Variants in TRAF3IP1 observed in about 807,000 individuals in gnomAD.
TRAF3IP1 encodes the protein intraflagellar transport 54, also known as TRAF3-interacting protein 1.
In TRAF3IP1, 53 loss-of-function variants were observed where a neutral mutation model predicts 89.9. The observed-to-expected ratio is 0.59, with a 90% CI of 0.47 to 0.74. The LOEUF is 0.74. Ranked by LOEUF, TRAF3IP1 falls within the 30% of genes least tolerant of loss-of-function variation. The probability of loss-of-function intolerance (pLI) is 0.00; values close to 1 mark genes in which losing one functional copy is unlikely to be tolerated. For synonymous variants in TRAF3IP1, 311 were observed against 322.1 expected, an observed-to-expected ratio of 0.97 and a Z score of 0.37; for missense variants, 806 against 866.1, an observed-to-expected ratio of 0.93 and a Z score of 0.87.
At position 238,320,618 on chromosome 2, in the gene TRAF3IP1, G is replaced by A; in HGVS notation, c.-45G>A. ...AGGGACCCGGGCTTAGGCTCGGCCA[G>A]GCCGGCTGAGGGGCGCGGGCGGCCA... On this transcript the variant is annotated 5_prime_UTR_variant, in exon 1 of 17. Coordinates refer to ENST00000373327, the MANE Select transcript of TRAF3IP1 (RefSeq NM_015650.4). 1 of 1,241,148 alleles carries A rather than the reference G, an allele frequency of 8.1e-7. No homozygotes were observed. Among genetic ancestry groups the A allele is most frequent in the Non-Finnish European group, 1.0e-6 (1 of 975,664 alleles). The allele number at this position is 1,241,148 out of a possible 1,614,324, so 76.9% of individuals were successfully genotyped here.
At chr2:238,331,179 G>A (rs1306215510) in intron 5 of TRAF3IP1, among the ~76,000 whole-genome samples, 8 of 151,752 alleles carry the variant, frequency 5.3e-5, no homozygotes, top group South Asian at 4.2e-4. Flanking sequence ...TTAGAGGCTC[G>A]GCCGGGCATG....
At chr2:238,363,970 T>C (rs1470363106) in intron 15 of TRAF3IP1, among the ~76,000 whole-genome samples, 4 of 152,026 alleles carry the variant, frequency 2.6e-5, no homozygotes, top group Non-Finnish European at 4.4e-5. Flanking sequence ...AAAAAAAATA[T>C]ATAAATAAAA....
intron 15 of TRAF3IP1, among the ~76,000 whole-genome samples, chr2:238,378,796 C>T (rs999610748): frequency 7.0e-6 from 1 of 142,978 alleles, no homozygotes; most frequent in Non-Finnish European, 1.5e-5. Flanking sequence ...GAAGCCGGGA[C>T]CCCCCCCCAG....
Position 238,329,124 on chromosome 2 carries a change from G to A in TRAF3IP1, c.697G>A (p.Asp233Asn), listed in dbSNP as rs745667152. Residue 233 changes from aspartate to asparagine, a missense_variant, in exon 5 of 17, where the codon GAC becomes AAC. Around this residue, in one of 3 missense-constraint regions of TRAF3IP1, gnomAD observed 732 missense variants for 780.5 expected, o/e 0.94. Coordinates refer to ENST00000373327, the MANE Select transcript of TRAF3IP1 (RefSeq NM_015650.4). ...RARPDNERQK[D>N]RGNRERDRDS... is the part of the protein sequence containing the mutation. Reference sequence around the variant, plus strand: ...CAGGCCAGACAACGAGCGACAGAAAGACAGAGGCAACAGGGAGCGGGACAG... The same window carrying A: ...CAGGCCAGACAACGAGCGACAGAAAAACAGAGGCAACAGGGAGCGGGACAG... 1.2e-4 allele frequency: 185 copies of A among 1,551,176 alleles called. No individual in the cohort carries two copies. The highest frequency in any genetic ancestry group is 1.6e-4 in the Non-Finnish European group (180 of 1,147,370).
chr2:238,389,528 A>G (rs946708712), intron 15 of TRAF3IP1, among the ~76,000 whole-genome samples: 18 of 152,080 alleles, frequency 1.2e-4, no homozygotes, highest in African/African-American at 4.1e-4. Context: ...TGGGTAGATC[A>G]CTTGAGGTCA....
At chr2:238,343,422 TG>T (rs1240128361) in intron 8 of TRAF3IP1, among the ~76,000 whole-genome samples, 1 of 151,958 alleles carries the variant, frequency 6.6e-6, no homozygotes, top group Non-Finnish European at 1.5e-5. Context: ...CGCTCTTACA[TG>T]CAGGCTGGAG....
In TRAF3IP1 at chr2:238,320,603, G is replaced by C; in HGVS notation, c.-60G>C. ...GGGCCGGCGGCGGCCAGGGACCCGG[G>C]CTTAGGCTCGGCCAGGCCGGCTGAG... is the stretch of plus-strand genomic sequence containing the variant. On this transcript the variant is annotated 5_prime_UTR_variant, in exon 1 of 17. Transcript: ENST00000373327. 1 of 1,166,822 alleles carries C rather than the reference G, an allele frequency of 8.6e-7. No individual in the cohort carries two copies. Among genetic ancestry groups the C allele is most frequent in the Non-Finnish European group, 1.1e-6 (1 of 938,974 alleles). The allele number at this position is 1,166,822 out of a possible 1,614,324, so 72.3% of individuals were successfully genotyped here.
chr2:238,355,528 C>T (rs1699369237), intron 14 of TRAF3IP1, among the ~76,000 whole-genome samples: 1 of 152,252 alleles, frequency 6.6e-6, no homozygotes, highest in Non-Finnish European at 1.5e-5. Context: ...TTTATTCAGT[C>T]AGCCTCGGGC....
At chr2:238,384,936 C>T (rs1337978192) in intron 15 of TRAF3IP1, among the ~76,000 whole-genome samples, 1 of 152,110 alleles carries the variant, frequency 6.6e-6, no homozygotes. Flanking sequence ...TTTTTTCCTT[C>T]TTCATGTAGC....
chr2:238,356,865 G>A (rs1407804213), intron 15 of TRAF3IP1, among the ~76,000 whole-genome samples: 1 of 149,690 alleles, frequency 6.7e-6, no homozygotes, highest in African/African-American at 2.5e-5. Context: ...TGCAAGCTCC[G>A]CCTCCCGGGT....
At chr2:238,397,345 G>A in intron 15 of TRAF3IP1, 114 bp from the exon 16 acceptor site, 1 of 850,922 alleles carries the variant, frequency 1.2e-6, no homozygotes, top group Non-Finnish European at 1.9e-6. Flanking sequence ...AACCAGCACT[G>A]TCTCTGCCTG....
chr2:238,350,898 G>A (rs993442167), intron 12 of TRAF3IP1, among the ~76,000 whole-genome samples: 2 of 152,104 alleles, frequency 1.3e-5, no homozygotes, highest in Non-Finnish European at 2.9e-5. Context: ...GAGAAGGGAA[G>A]GAGTAGGAGT....
rs1392977987 is a variant in TRAF3IP1 at position 238,398,787 on chromosome 2, T to C, written c.1944T>C (p.Ala648=). 6 of 1,611,444 alleles carry C rather than the reference T, an allele frequency of 3.7e-6. No individual in the cohort carries two copies. The highest frequency in any genetic ancestry group is 4.2e-6 in the Non-Finnish European group (5 of 1,179,270). Residue 648 remains alanine, a synonymous_variant, in exon 17 of 17, where the codon GCT becomes GCC. Transcript: ENST00000373327. The stretch of plus-strand genomic sequence containing the variant: ...ACTGTGCCGTGGAGCCCTTAAAGGC[T>C]GAGCTCGCGGAGCTGGAGCAGCTGA... ...ITDCAVEPLK[A]ELAELEQLIK... is the part of the protein sequence containing the mutation.
rs777675275 is a variant in TRAF3IP1 at position 238,325,293 on chromosome 2, T to G, written c.124-13T>G. 7.4e-6 allele frequency: 12 copies of G among 1,614,004 alleles called. No homozygotes were observed. The African/African-American group carries it at 1.1e-4, about 14-fold the overall frequency. On this transcript the variant is annotated splice_polypyrimidine_tract_variant and intron_variant, in intron 1 of 16. Transcript: ENST00000373327. The stretch of plus-strand genomic sequence containing the variant: ...TGTGAGGTGACATGGTGGCCTTTCT[T>G]TCTCTCTTGAAGGTGATTAGAATGA...
intron 8 of TRAF3IP1, among the ~76,000 whole-genome samples, chr2:238,342,723 T>C (rs1312621772): frequency 6.6e-6 from 1 of 152,242 alleles, no homozygotes; most frequent in African/African-American, 2.4e-5. Flanking sequence ...TATTTCATGT[T>C]TATTCTCTGG....
intron 1 of TRAF3IP1, 140 bp downstream of exon 1, chr2:238,320,925 T>C (rs1485024769): frequency 3.1e-6 from 2 of 643,422 alleles, no homozygotes; most frequent in East Asian, 1.0e-4. Flanking sequence ...TGGGCCGGAG[T>C]CGGGGCCCGG....
intron 2 of TRAF3IP1, 117 bp from the exon 3 acceptor site, chr2:238,325,692 A>G: frequency 9.7e-7 from 1 of 1,030,512 alleles, no homozygotes. Flanking sequence ...TTTGTTATAT[A>G]TCTAAAAACA....
intron 12 of TRAF3IP1, among the ~76,000 whole-genome samples, chr2:238,350,267 A>G (rs1559370212): frequency 6.6e-6 from 1 of 152,002 alleles, no homozygotes; most frequent in Non-Finnish European, 1.5e-5. Flanking sequence ...TTATTTTTCT[A>G]ATGACGGGAA....
intron 15 of TRAF3IP1, among the ~76,000 whole-genome samples, chr2:238,388,774 C>T (rs1302102112): frequency 6.6e-6 from 1 of 151,508 alleles, no homozygotes; most frequent in Non-Finnish European, 1.5e-5. Flanking sequence ...CCTAGGTAGC[C>T]AGGACCACAA....
Sources: allele counts gnomAD v4.1 joint callset (sites outside exome capture counted in the v4.1 genomes callset), GRCh38; gene constraint gnomAD v4.1.1; regional missense constraint gnomAD v4.1.1; transcripts MANE v1.5; gene names NCBI Gene and HGNC (gene_info 2026-07-23, HGNC 2026-07-21).